SLC35B3: variants seen among roughly 807,000 people sequenced by gnomAD.
SLC35B3 encodes the protein solute carrier family 35 member B3.
In SLC35B3, 35 loss-of-function variants were observed where a neutral mutation model predicts 44.1. The observed-to-expected ratio is 0.79, with a 90% CI of 0.61 to 1.05. The LOEUF (loss-of-function observed/expected upper bound fraction) is 1.05. SLC35B3 is among the 50% of genes least tolerant of loss of function. The pLI is 0.00. For synonymous variants in SLC35B3, 146 were observed against 167.3 expected, an observed-to-expected ratio of 0.87 and a Z score of 0.98; for missense variants, 414 against 476.4, an observed-to-expected ratio of 0.87 and a Z score of 1.22.
At chr6:8,425,605 G>GT (rs1763336526) in intron 4 of SLC35B3, among the ~76,000 whole-genome samples, 1 of 152,008 alleles carries the variant, frequency 6.6e-6, no homozygotes, top group Non-Finnish European at 1.5e-5. Context: ...TTAGACCCAT[G>GT]AAGAAACCTG....
In SLC35B3 at chr6:8,416,900, T is replaced by G; in HGVS notation, c.969A>C (p.Ala323=). The change falls in exon 9 of 11, where the codon GCA becomes GCC. Residue 323 remains alanine, a synonymous_variant. Coordinates refer to ENST00000644923, the MANE Select transcript of SLC35B3 (RefSeq NM_001370476.2). Reference sequence around the variant, plus strand: ...CCCTCCTACCTGTTACAGCAATAAGTGCACCAAAAATTTTAATCAAAGCCA... The same window carrying G: ...CCCTCCTACCTGTTACAGCAATAAGGGCACCAAAAATTTTAATCAAAGCCA... 1 of 1,577,092 alleles carries G rather than the reference T, an allele frequency of 6.3e-7. No homozygotes were observed. Among genetic ancestry groups the G allele is most frequent in the Non-Finnish European group, 8.6e-7 (1 of 1,156,578 alleles).
At chr6:8,427,052 A>C (rs1763484500) in intron 4 of SLC35B3, among the ~76,000 whole-genome samples, 1 of 151,296 alleles carries the variant, frequency 6.6e-6, no homozygotes, top group Admixed American at 6.6e-5. Context: ...TGGTGGAAGA[A>C]ATTTCTAAGC....
Position 8,412,982 on chromosome 6 carries a change from C to T in SLC35B3, c.*567G>A, listed in dbSNP as rs1762107424. 1 of 152,188 alleles carries T rather than the reference C, an allele frequency of 6.6e-6. No individual in the cohort carries two copies. Among genetic ancestry groups the T allele is most frequent in the African/African-American group, 2.4e-5 (1 of 41,434 alleles). 9.4% of individuals were successfully genotyped at this position (152,188 alleles called of 1,614,324 possible). On this transcript the variant is annotated 3_prime_UTR_variant, in exon 11 of 11. Transcript: ENST00000644923. ...CCTGCTCTAAAGAATAATTTTAAAT[C>T]AGAGAAAACTCAAGTTTTAAAGTTC...
intron 4 of SLC35B3, among the ~76,000 whole-genome samples, chr6:8,424,507 G>T (rs1763234984): frequency 6.6e-6 from 1 of 152,156 alleles, no homozygotes. Flanking sequence ...TGATCAACCT[G>T]CCTCGGCCTC....
In SLC35B3 at chr6:8,422,638, T is replaced by C. The variant is rs1418942807; in HGVS notation, c.420-14A>G. ...TTTCCTGGTATTCTGTAAAAGACAATTTTTAAAACCTTCATTTTGGGACCC... is the reference window on the plus strand; with the variant it reads ...TTTCCTGGTATTCTGTAAAAGACAACTTTTAAAACCTTCATTTTGGGACCC... On this transcript the variant is annotated splice_polypyrimidine_tract_variant and intron_variant, in intron 4 of 10. Transcript: ENST00000644923. The C allele has an allele frequency of 6.3e-7, 1 of 1,595,726 alleles. No individual in the cohort carries two copies. The highest frequency in any genetic ancestry group is 1.1e-5 in the South Asian group (1 of 87,698).
rs1763821862 is a variant in SLC35B3 at position 8,430,098 on chromosome 6, A to G, written c.63T>C (p.Asn21=). Residue 21 remains asparagine, a synonymous_variant, in exon 3 of 11, where the codon AAT becomes AAC. The change abolishes the stop of an existing upstream ORF in the 5' untranslated region. Transcript: ENST00000644923. ...TGCTGCATTCAATGCTTTCAGAGTT[A>G]TTTTTGTTGGTTTCCTGGACTGTTA... The G allele has an allele frequency of 1.2e-6, 2 of 1,612,988 alleles. No homozygotes were observed. The highest frequency in any genetic ancestry group is 1.7e-5 in the Admixed American group (1 of 59,898).
chr6:8,422,424 A>G (rs369667029), intron 5 of SLC35B3, 46 bp downstream of exon 4: 32 of 1,407,518 alleles, frequency 2.3e-5, no homozygotes, highest in Non-Finnish European at 3.1e-5. Context: ...ATGCCATAAC[A>G]TAGCCTATTA....
chr6:8,428,074 T>TG lies in SLC35B3; in HGVS notation c.298-17dup. The TG allele has an allele frequency of 6.4e-7, 1 of 1,569,946 alleles. No homozygotes were observed. The highest frequency in any genetic ancestry group is 2.3e-5 in the East Asian group (1 of 43,912). Reference sequence around the variant, plus strand: ...ATATTAATTCCTGTCAAAAGACACATGAACACTGTTAAGTCCAAGGCAGCA... The same window carrying TG: ...ATATTAATTCCTGTCAAAAGACACATGGAACACTGTTAAGTCCAAGGCAGCA... On this transcript the variant is annotated splice_polypyrimidine_tract_variant and intron_variant, in intron 3 of 10. Coordinates refer to ENST00000644923, the MANE Select transcript of SLC35B3 (RefSeq NM_001370476.2).
chr6:8,430,309 A>G, intron 2 of SLC35B3, 152 bp from the exon 2 acceptor site: 1 of 657,496 alleles, frequency 1.5e-6, no homozygotes, highest in South Asian at 2.9e-5. Flanking sequence ...AAATCACCAA[A>G]AACAATATGC....
chr6:8,429,682 A>G lies in SLC35B3; in HGVS notation c.297+182T>C, dbSNP rs1763770820. On this transcript the variant is annotated intron_variant, in intron 3 of 10. Coordinates refer to ENST00000644923, the MANE Select transcript of SLC35B3 (RefSeq NM_001370476.2). ...TCTACATATGCCTCCTCCCCACTTA[A>G]ATTATTTAACTCTTGAATTTTGATC... 5 of 450,892 alleles carry G rather than the reference A, an allele frequency of 1.1e-5. No homozygotes were observed. In the East Asian group the frequency reaches 1.7e-4, roughly 15 times the overall value. 27.9% of individuals were successfully genotyped at this position (450,892 alleles called of 1,614,324 possible). A position where few individuals can be genotyped will look rare whatever the true frequency, so the allele number is the denominator to read the frequency against.
At chr6:8,427,159 T>C (rs537750153) in intron 4 of SLC35B3, among the ~76,000 whole-genome samples, 7 of 152,294 alleles carry the variant, frequency 4.6e-5, no homozygotes, top group African/African-American at 1.7e-4. Flanking sequence ...AACCTGACGA[T>C]GCAGTAGAAA....
intron 2 of SLC35B3, among the ~76,000 whole-genome samples, chr6:8,430,529 C>T (rs1238843448): frequency 6.6e-6 from 1 of 152,060 alleles, no homozygotes; most frequent in African/African-American, 2.4e-5. Context: ...AGTAATTCTC[C>T]TTTAAATACT....
Position 8,433,302 on chromosome 6 carries a change from G to A in SLC35B3, c.3+1083C>T, listed in dbSNP as rs1366264491. Reference sequence around the variant, plus strand: ...GCCTCGAAGTTAAAAACGAGTTGATGTCCTGGACTCAATCATATTATACAT... The same window carrying A: ...GCCTCGAAGTTAAAAACGAGTTGATATCCTGGACTCAATCATATTATACAT... On this transcript the variant is annotated intron_variant, in intron 2 of 10. Coordinates refer to ENST00000644923, the MANE Select transcript of SLC35B3 (RefSeq NM_001370476.2). The surrounding 1 kb of genome is among the most constrained non-coding windows in gnomAD (Gnocchi z 4.1). Among the ~76,000 whole-genome samples, 1 of 152,120 alleles carries A rather than the reference G, an allele frequency of 6.6e-6. No homozygotes were observed. The highest frequency in any genetic ancestry group is 2.4e-5 in the African/African-American group (1 of 41,418).
intron 5 of SLC35B3, among the ~76,000 whole-genome samples, chr6:8,422,039 C>G (rs1286531642): frequency 6.6e-6 from 1 of 152,212 alleles, no homozygotes; most frequent in East Asian, 1.9e-4. Context: ...GAGTCTCGCT[C>G]TGTCGCCCAG....
chr6:8,428,037 C>G lies in SLC35B3; in HGVS notation c.319G>C (p.Gly107Arg). 1.9e-6 allele frequency: 3 copies of G among 1,593,216 alleles called. No homozygotes were observed. The highest frequency in any genetic ancestry group is 2.6e-6 in the Non-Finnish European group (3 of 1,169,800). The change falls in exon 4 of 11, where the codon GGT becomes CGT. Residue 107 changes from glycine (G) to arginine (R), a missense_variant. Gly to Arg is a moderately radical substitution (Grantham distance 125). Transcript: ENST00000644923. ...AGGTACCAGCCACAGGACTTAAAAC[C>G]CTCCACTGAAAATATTAATTCCTGT...
chr6:8,428,211 T>G (rs1457890809), intron 3 of SLC35B3, among the ~76,000 whole-genome samples, 153 bp from the exon 3 acceptor site: 1 of 152,162 alleles, frequency 6.6e-6, no homozygotes, highest in African/African-American at 2.4e-5. Context: ...TCTTTCATAT[T>G]GGTAATGTTA....
At chr6:8,421,092 A>G (rs1225922055) in intron 5 of SLC35B3, among the ~76,000 whole-genome samples, 5 of 152,350 alleles carry the variant, frequency 3.3e-5, no homozygotes, top group African/African-American at 1.2e-4. Flanking sequence ...AAAAACTGAC[A>G]GCAAGAATAA....
rs1320699289 is a variant in SLC35B3 at position 8,432,639 on chromosome 6, A to G, written c.3+1746T>C. Among the ~76,000 whole-genome samples the G allele has an allele frequency of 6.6e-6, 1 of 152,202 alleles. No individual in the cohort carries two copies. The highest frequency in any genetic ancestry group is 1.9e-4 in the East Asian group (1 of 5,188). ...AACTTTTCTGAGCTTTAGGTTCTGC[A>G]CCTTCAAAAGTGGGAGGAGTTAAAA... On this transcript the variant is annotated intron_variant, in intron 2 of 10. Coordinates refer to ENST00000644923, the MANE Select transcript of SLC35B3 (RefSeq NM_001370476.2). The surrounding 1 kb of genome is among the most constrained non-coding windows in gnomAD (Gnocchi z 4.8).
At chr6:8,425,543 C>A (rs895214544) in intron 4 of SLC35B3, among the ~76,000 whole-genome samples, 1 of 151,788 alleles carries the variant, frequency 6.6e-6, no homozygotes, top group African/African-American at 2.4e-5. Flanking sequence ...AATATTTTTA[C>A]AATAATTGCT....
Sources: allele counts gnomAD v4.1 joint callset (sites outside exome capture counted in the v4.1 genomes callset), GRCh38; gene constraint gnomAD v4.1.1; non-coding constraint Gnocchi (gnomAD v3.1); transcripts MANE v1.5; gene names NCBI Gene and HGNC (gene_info 2026-07-23, HGNC 2026-07-21).